The following AKAP7 variants were observed in gnomAD, a reference collection of about 807,000 sequenced individuals.
The protein encoded by AKAP7 is A kinase (PRKA) anchor protein 7.
A neutral mutation model predicts 39.5 loss-of-function variants in AKAP7; 39 were observed. That is an observed-to-expected ratio of 0.99 (90% CI 0.76 to 1.29). The LOEUF (loss-of-function observed/expected upper bound fraction) is 1.29, where lower values mean the gene tolerates loss of function less well. Among genes scored for constraint, AKAP7 ranks in the 50% most tolerant of loss-of-function variants. The probability of loss-of-function intolerance (pLI) is 0.00; values close to 1 mark genes in which losing one functional copy is unlikely to be tolerated. For missense variants in AKAP7, 414 were observed against 407.7 expected, an observed-to-expected ratio of 1.02 and a Z score of -0.13; for synonymous variants, 140 against 139.1, an observed-to-expected ratio of 1.01 and a Z score of -0.05.
At chr6:131,204,057 C>T (rs530676586) in intron 6 of AKAP7, among the ~76,000 whole-genome samples, 14 of 152,120 alleles carry the variant, frequency 9.2e-5, no homozygotes, top group African/African-American at 2.2e-4. Context: ...AGGATAAACT[C>T]GTGGTAGAAA....
At chr6:131,138,995 A>G (rs1205935169) in intron 1 of AKAP7, among the ~76,000 whole-genome samples, 1 of 152,266 alleles carries the variant, frequency 6.6e-6, no homozygotes, top group Non-Finnish European at 1.5e-5. Flanking sequence ...AAATTGTAGG[A>G]GACTTTTAAG....
chr6:131,197,763 TCAGA>T (rs1363587182), intron 5 of AKAP7, among the ~76,000 whole-genome samples: 2 of 152,132 alleles, frequency 1.3e-5, no homozygotes, highest in Non-Finnish European at 2.9e-5. Context: ...GTTGGGGTGA[TCAGA>T]CTCAACACCA....
chr6:131,279,364 G>C (rs1815018204), intron 7 of AKAP7, among the ~76,000 whole-genome samples: 1 of 152,168 alleles, frequency 6.6e-6, no homozygotes, highest in African/African-American at 2.4e-5. Context: ...TGCCTCCTGA[G>C]TTCAAGTGAT....
intron 5 of AKAP7, among the ~76,000 whole-genome samples, chr6:131,181,699 A>C (rs760837419): frequency 1.3e-5 from 2 of 152,126 alleles, no homozygotes; most frequent in Non-Finnish European, 2.9e-5. Context: ...TGTTTAAGAT[A>C]TGCTGAACTA....
intron 6 of AKAP7, among the ~76,000 whole-genome samples, chr6:131,207,491 A>ATATTTTTTTTTTTTTTTTT (rs1554211848): frequency 8.9e-5 from 7 of 78,796 alleles, no homozygotes; most frequent in African/African-American, 3.5e-4. Context: ...GCTAATTAAA[A>ATATTTTTTTTTTTTTTTTT]TTTTTTTTTT....
intron 5 of AKAP7, among the ~76,000 whole-genome samples, chr6:131,176,005 AT>A (rs1352234285): frequency 1.3e-5 from 2 of 152,218 alleles, no homozygotes; most frequent in African/African-American, 4.8e-5. Context: ...ATAAATTGGT[AT>A]GCTTGTCTCT....
intron 5 of AKAP7, among the ~76,000 whole-genome samples, chr6:131,193,220 G>A (rs544531710): frequency 6.6e-6 from 1 of 152,024 alleles, no homozygotes; most frequent in South Asian, 2.1e-4. Context: ...TGGATCTATT[G>A]TATATAGCTT....
At chr6:131,136,972 G>A (rs1800599995) in intron 1 of AKAP7, 2 of 661,050 alleles carry the variant, frequency 3.0e-6, no homozygotes, top group Non-Finnish European at 3.7e-6. Context: ...ATGTATATAT[G>A]TATTTAGAGA....
chr6:131,191,722 G>C (rs1020809180), intron 5 of AKAP7, among the ~76,000 whole-genome samples: 1 of 152,132 alleles, frequency 6.6e-6, no homozygotes, highest in East Asian at 1.9e-4. Flanking sequence ...GCTGTCTGTG[G>C]TTTGGCACCT....
upstream of AKAP7, among the ~76,000 whole-genome samples, chr6:131,130,509 T>TGA (rs2128220070): frequency 6.6e-6 from 1 of 152,310 alleles, no homozygotes; most frequent in African/African-American, 2.4e-5. Context: ...TTGGTCAGGC[T>TGA]GGTATCAAAC....
chr6:131,256,669 T>C (rs559552617), intron 7 of AKAP7, among the ~76,000 whole-genome samples: 1 of 151,978 alleles, frequency 6.6e-6, no homozygotes, highest in Admixed American at 6.6e-5. Context: ...TTTTGGCTAA[T>C]AAAAGAAAGT....
At chr6:131,239,806 G>A (rs935322053) in intron 7 of AKAP7, among the ~76,000 whole-genome samples, 2 of 152,100 alleles carry the variant, frequency 1.3e-5, no homozygotes, top group East Asian at 3.8e-4. Context: ...TTAGCCATTC[G>A]TCTAATCTTT....
chr6:131,232,121 C>CT (rs1218060419), intron 7 of AKAP7, among the ~76,000 whole-genome samples: 1 of 152,142 alleles, frequency 6.6e-6, no homozygotes, highest in Non-Finnish European at 1.5e-5. Flanking sequence ...ATCCAACCGT[C>CT]TGTTGGTTTC....
At chr6:131,168,394 A>G (rs1803705079) in intron 4 of AKAP7, among the ~76,000 whole-genome samples, 1 of 151,994 alleles carries the variant, frequency 6.6e-6, no homozygotes, top group East Asian at 1.9e-4. Flanking sequence ...CTTGGGTGAC[A>G]GAGAACCTGT....
At chr6:131,212,774 A>T (rs1389701538) in intron 6 of AKAP7, among the ~76,000 whole-genome samples, 3 of 152,166 alleles carry the variant, frequency 2.0e-5, no homozygotes, top group Non-Finnish European at 4.4e-5. Flanking sequence ...AGGGGGAGAA[A>T]AGTGAGAAGG....
At position 131,281,984 on chromosome 6, in the gene AKAP7, AG is replaced by A. The variant is rs1381878593; in HGVS notation, c.*261del. The A allele has an allele frequency of 1.7e-6, 2 of 1,185,850 alleles. No homozygotes were observed. Among genetic ancestry groups the A allele is most frequent in the African/African-American group, 3.2e-5 (2 of 63,402 alleles). 73.5% of individuals were successfully genotyped at this position (1,185,850 alleles called of 1,614,324 possible). On this transcript the variant is annotated 3_prime_UTR_variant, in exon 8 of 8. Coordinates refer to ENST00000431975, the MANE Select transcript of AKAP7 (RefSeq NM_016377.4). The surrounding 1 kb of genome is among the most constrained non-coding windows in gnomAD (Gnocchi z 4.0). ...TTTCATTCGCCCTCAGCCACGCACA[AG>A]GGAAAGGGAACTTTGGGTTATGCCT...
intron 6 of AKAP7, among the ~76,000 whole-genome samples, chr6:131,206,480 G>A (rs757655738): frequency 1.3e-5 from 2 of 152,148 alleles, no homozygotes; most frequent in South Asian, 2.1e-4. Context: ...TGATGTTGAG[G>A]GGAGTGGAGA....
At chr6:131,248,336 G>T (rs567253965) in intron 7 of AKAP7, among the ~76,000 whole-genome samples, 3 of 152,272 alleles carry the variant, frequency 2.0e-5, no homozygotes, top group African/African-American at 7.2e-5. Flanking sequence ...TGACATCTGG[G>T]ATTTAAACCC....
intron 7 of AKAP7, among the ~76,000 whole-genome samples, chr6:131,263,335 C>T (rs893554894): frequency 6.6e-6 from 1 of 152,208 alleles, no homozygotes; most frequent in African/African-American, 2.4e-5. Flanking sequence ...GTCACTCTCT[C>T]TGGCTTCACT....
Sources: gnomAD v4.1 joint callset for allele counts (sites outside exome capture counted in the v4.1 genomes callset) on GRCh38, gnomAD v4.1.1 for gene constraint, Gnocchi (gnomAD v3.1) non-coding constraint, MANE v1.5 for transcripts, NCBI Gene and HGNC (gene_info 2026-07-23, HGNC 2026-07-21) for gene names.